PLS3: variants seen among roughly 807,000 people sequenced by gnomAD.
The protein encoded by PLS3 is plastin-3.
A neutral mutation model predicts 46.5 loss-of-function variants in PLS3; 11 were observed. The observed-to-expected ratio is 0.24, with a 90% CI of 0.15 to 0.39. PLS3 has a LOEUF of 0.39. Ranked by LOEUF, PLS3 falls within the 10% of genes least tolerant of loss-of-function variation. The probability of loss-of-function intolerance (pLI) is 1.00; values close to 1 mark genes in which losing one functional copy is unlikely to be tolerated. For missense variants in PLS3, 308 were observed against 461.8 expected (o/e 0.67, Z 3.05); for synonymous variants, 167 against 162.2 (o/e 1.03, Z -0.22).
intron 1 of PLS3, among the ~76,000 whole-genome samples, chrX:115,576,191 A>G (rs1488523368): frequency 1.8e-5 from 2 of 112,383 alleles, no homozygotes; most frequent in Non-Finnish European, 3.7e-5. Context: ...ACGTTTAGGT[A>G]TTTTGACAGT....
rs781844466 is a variant in PLS3, at chrX:115,614,239, G to A, written c.73+3916G>A. On this transcript the variant is annotated intron_variant, in intron 2 of 15. Transcript: ENST00000355899. ...CCGTCTCGGCCTCCCAAAGTGCTGG[G>A]ATTACAGACGTGAGCCACCGCGCCT... The A allele has an allele frequency of 5.0e-6, 3 of 605,300 alleles. No individual in the cohort carries two copies. In the South Asian group the frequency reaches 2.5e-4, roughly 51 times the overall value. 49.9% of individuals were successfully genotyped at this position (605,300 alleles called of 1,213,427 possible).
intron 1 of PLS3, among the ~76,000 whole-genome samples, chrX:115,587,841 G>T (rs782386279): frequency 1.8e-5 from 2 of 111,420 alleles, no homozygotes; most frequent in Admixed American, 1.9e-4. Flanking sequence ...AATGAACCAA[G>T]TGTGCCTCTC....
chrX:115,623,996 A>G (rs1465582131), intron 3 of PLS3, among the ~76,000 whole-genome samples: 1 of 111,695 alleles, frequency 9.0e-6, no homozygotes, highest in Non-Finnish European at 1.9e-5. Context: ...TTGGGAGGCC[A>G]AGGCGGGTGG....
Position 115,629,909 on chromosome X carries a change from C to T in PLS3, c.442C>T (p.Pro148Ser). The T allele has an allele frequency of 8.5e-7, 1 of 1,169,923 alleles. No homozygotes were observed. The highest frequency in any genetic ancestry group is 1.2e-6 in the Non-Finnish European group (1 of 859,814). Reference protein sequence around the residue: ...ENDPDCRHVIPMNPNTDDLFK... With the variant: ...ENDPDCRHVISMNPNTDDLFK... ...TGATCCTGATTGTAGACATGTTATA[C>T]CAATGAACCCTAACACCGATGACCT... Residue 148 changes from proline to serine, a missense_variant, in exon 5 of 16, where the codon CCA becomes TCA. Transcript: ENST00000355899.
chrX:115,582,258 T>A (rs1463721490), intron 1 of PLS3, among the ~76,000 whole-genome samples: 1 of 112,084 alleles, frequency 8.9e-6, no homozygotes, highest in Admixed American at 9.5e-5. Context: ...GGTTGGTTAC[T>A]CATGCATAGG....
intron 7 of PLS3, 83 bp downstream of exon 7, chrX:115,635,129 A>T: frequency 2.5e-6 from 2 of 805,203 alleles, no homozygotes; most frequent in Non-Finnish European, 3.6e-6. Context: ...CACTTAATGG[A>T]GGTGATTAAA....
At position 115,649,706 on chromosome X, in the gene PLS3, G is replaced by T. The variant is rs2074985668; in HGVS notation, c.*145G>T. 6.5e-6 allele frequency: 3 copies of T among 459,085 alleles called. No individual in the cohort carries two copies. Among genetic ancestry groups the T allele is most frequent in the Non-Finnish European group, 7.1e-6 (2 of 281,891 alleles). 37.8% of individuals were successfully genotyped at this position (459,085 alleles called of 1,213,427 possible). A position where few individuals can be genotyped will look rare whatever the true frequency, so the allele number is the denominator to read the frequency against. On this transcript the variant is annotated 3_prime_UTR_variant, in exon 16 of 16. Coordinates refer to ENST00000355899, the MANE Select transcript of PLS3 (RefSeq NM_005032.7). ...GATTAACAGGACTAGCTTATCATGA[G>T]AGCCCTCAGGGGAAAGGGTTTAAGA...
At chrX:115,599,539 A>C (rs2074421967) in intron 1 of PLS3, among the ~76,000 whole-genome samples, 1 of 102,014 alleles carries the variant, frequency 9.8e-6, no homozygotes, top group Non-Finnish European at 2.0e-5. Flanking sequence ...AAAAAAAAGG[A>C]AAGAGGGAAA....
At chrX:115,611,454 T>C (rs1463190728) in intron 2 of PLS3, among the ~76,000 whole-genome samples, 5 of 112,813 alleles carry the variant, frequency 4.4e-5, no homozygotes, top group African/African-American at 1.6e-4. Flanking sequence ...AAGTGAATTC[T>C]TGGCTGCAAG....
At chrX:115,624,787 C>T (rs190171214) in intron 3 of PLS3, among the ~76,000 whole-genome samples, 329 of 112,017 alleles carry the variant, frequency 2.9e-3, no homozygotes, top group Non-Finnish European at 4.3e-3. Flanking sequence ...AAGAAAACAA[C>T]ATTCGTGAGG....
intron 7 of PLS3, among the ~76,000 whole-genome samples, chrX:115,636,476 G>A (rs782230888): frequency 4.5e-5 from 5 of 111,481 alleles, no homozygotes; most frequent in African/African-American, 1.6e-4. Flanking sequence ...AAAGTGCTGG[G>A]ATTACAGGCG....
chrX:115,610,404 A>G lies in PLS3; in HGVS notation c.73+81A>G. ...TTATTTCTCTATAAATATCACATGA[A>G]TGGTTAATCAAAAACATTAGGGCAA... On this transcript the variant is annotated intron_variant, in intron 2 of 15. Transcript: ENST00000355899. 3 of 478,681 alleles carry G rather than the reference A, an allele frequency of 6.3e-6. No individual in the cohort carries two copies. In the East Asian group the frequency reaches 1.1e-4, roughly 18 times the overall value. The allele number at this position is 478,681 out of a possible 1,213,427, so 39.4% of individuals were successfully genotyped here. A position where few individuals can be genotyped will look rare whatever the true frequency, so the allele number is the denominator to read the frequency against.
intron 1 of PLS3, among the ~76,000 whole-genome samples, chrX:115,595,590 GT>G (rs1277748222): frequency 1.9e-5 from 2 of 107,962 alleles, no homozygotes; most frequent in African/African-American, 6.8e-5. Context: ...GTTTATGGGT[GT>G]TTTTTGTGCT....
intron 1 of PLS3, among the ~76,000 whole-genome samples, chrX:115,579,776 G>A (rs782144330): frequency 9.0e-6 from 1 of 111,094 alleles, no homozygotes; most frequent in Non-Finnish European, 1.9e-5. Context: ...TCTGTTGCCC[G>A]GGCTGGAGTG....
In PLS3 at chrX:115,629,893, T is replaced by C. The variant is rs782054685; in HGVS notation, c.426T>C (p.Asp142=). 8.6e-6 allele frequency: 10 copies of C among 1,159,630 alleles called. No individual in the cohort carries two copies. Among genetic ancestry groups the C allele is most frequent in the South Asian group, 3.7e-5 (2 of 54,339 alleles). The change falls in exon 5 of 16, where the codon GAT becomes GAC. Residue 142 remains aspartate, a synonymous_variant. Transcript: ENST00000355899. ...ACAAAGCTTTGGAAAATGATCCTGA[T>C]TGTAGACATGTTATACCAATGAACC... The part of the protein sequence containing the change: ...WINKALENDP[D]CRHVIPMNPN...
intron 1 of PLS3, among the ~76,000 whole-genome samples, chrX:115,574,876 G>T (rs1034389988): frequency 8.9e-5 from 10 of 112,206 alleles, no homozygotes; most frequent in African/African-American, 3.2e-4. Context: ...ACCGCGCCCG[G>T]CCCCATACCA....
intron 2 of PLS3, among the ~76,000 whole-genome samples, 177 bp downstream of exon 2, chrX:115,610,500 T>C (rs1401192242): frequency 9.1e-6 from 1 of 109,812 alleles, no homozygotes; most frequent in Non-Finnish European, 1.9e-5. Context: ...TTTTTTTTTT[T>C]TGGTCGAGTG....
chrX:115,589,124 TGCCCA>T (rs1490879919), intron 1 of PLS3, among the ~76,000 whole-genome samples: 6 of 110,414 alleles, frequency 5.4e-5, no homozygotes, highest in Non-Finnish European at 3.8e-5. Context: ...ACAGCCACCA[TGCCCA>T]GCTAATTTTT....
Position 115,622,259 on chromosome X carries a change from C to A in PLS3, c.87C>A (p.Asn29Lys). Residue 29 changes from asparagine to lysine, a missense_variant, in exon 3 of 16, where the codon AAC (asparagine) becomes AAA (lysine). Transcript: ENST00000355899. ...EAFAKVDLNS[N>K]GFICDYELHE... ...TTTTTTACAAAGATCTCAACAGCAA[C>A]GGATTCATTTGTGACTATGAACTTC... 8.4e-7 allele frequency: 1 copy of A among 1,197,292 alleles called. No individual in the cohort carries two copies. The highest frequency in any genetic ancestry group is 1.1e-6 in the Non-Finnish European group (1 of 888,864).
Sources: allele counts gnomAD v4.1 joint callset (sites outside exome capture counted in the v4.1 genomes callset), GRCh38; gene constraint gnomAD v4.1.1; transcripts MANE v1.5; gene names NCBI Gene and HGNC (gene_info 2026-07-23, HGNC 2026-07-21).